The following CACNG4 variants were observed in gnomAD, a reference collection of about 807,000 sequenced individuals.
CACNG4 encodes voltage-dependent calcium channel gamma-4 subunit.
In CACNG4, 8 loss-of-function variants were observed where a neutral mutation model predicts 22.9. The observed-to-expected ratio is 0.35, with a 90% CI of 0.21 to 0.63. The LOEUF (loss-of-function observed/expected upper bound fraction) is 0.63. Ranked by LOEUF, CACNG4 falls within the 30% of genes least tolerant of loss-of-function variation. The pLI is 0.72. For synonymous variants in CACNG4, 188 were observed against 191.9 expected (o/e 0.98, Z 0.17); for missense variants, 357 against 455.4 (o/e 0.78, Z 1.97).
chr17:67,025,423 A>C (rs73339195), intron 3 of CACNG4, among the ~76,000 whole-genome samples: 1,749 of 152,320 alleles, frequency 0.011, 36 homozygotes, highest in African/African-American at 0.04. Flanking sequence ...GGAGGTGCCC[A>C]CGGGAATCAT....
At chr17:67,001,190 C>G (rs2035405993) in intron 1 of CACNG4, among the ~76,000 whole-genome samples, 1 of 152,188 alleles carries the variant, frequency 6.6e-6, no homozygotes, top group South Asian at 2.1e-4. Flanking sequence ...GCTCCTCCTT[C>G]ACCTTCTACC....
intron 1 of CACNG4, among the ~76,000 whole-genome samples, chr17:67,007,593 A>G (rs1167545268): frequency 6.6e-6 from 1 of 151,400 alleles, no homozygotes; most frequent in East Asian, 1.9e-4. Context: ...AGCCTGGGCC[A>G]GGCTTCTCGG....
chr17:66,993,625 A>G (rs530068095), intron 1 of CACNG4, among the ~76,000 whole-genome samples: 61 of 152,184 alleles, frequency 4.0e-4, no homozygotes, highest in South Asian at 3.1e-3. Context: ...CTTTTTTTTG[A>G]GATGGAGTCT....
In CACNG4 at chr17:67,016,196, CA is replaced by C. The variant is rs35792731; in HGVS notation, c.221-1992del. On this transcript the variant is annotated intron_variant, in intron 1 of 3. Coordinates refer to ENST00000262138, the MANE Select transcript of CACNG4 (RefSeq NM_014405.4). ...CGTGGTGTAATTCTCCTAAGATCCC[CA>C]GGATATAAGGGCTGTGGCTCTGCCC... 5.9e-3 allele frequency among the ~76,000 whole-genome samples: 903 copies of C among 152,294 alleles called. 3 individuals are homozygous for C. The highest frequency in any genetic ancestry group is 0.011 in the Non-Finnish European group (717 of 68,032).
At chr17:66,973,507 T>G (rs1412717349) in intron 1 of CACNG4, among the ~76,000 whole-genome samples, 1 of 152,166 alleles carries the variant, frequency 6.6e-6, no homozygotes, top group African/African-American at 2.4e-5. Context: ...AAAGTGGCTG[T>G]GGGGCTGCCT....
At chr17:66,999,807 A>G (rs997956071) in intron 1 of CACNG4, among the ~76,000 whole-genome samples, 1 of 152,230 alleles carries the variant, frequency 6.6e-6, no homozygotes, top group African/African-American at 2.4e-5. Flanking sequence ...GTCAAACCAT[A>G]TCAACTGGCA....
At chr17:67,000,822 C>T (rs994482951) in intron 1 of CACNG4, among the ~76,000 whole-genome samples, 9 of 152,154 alleles carry the variant, frequency 5.9e-5, no homozygotes, top group Middle Eastern at 3.2e-3. Flanking sequence ...AGCAGAAGAC[C>T]TTGAGTAAGA....
intron 1 of CACNG4, among the ~76,000 whole-genome samples, chr17:66,971,906 T>C (rs72846231): frequency 6.6e-6 from 1 of 152,122 alleles, no homozygotes; most frequent in Non-Finnish European, 1.5e-5. Context: ...ATCTGGTTTA[T>C]GTTTTTAGCA....
chr17:67,024,156 C>A (rs900622061), intron 2 of CACNG4, among the ~76,000 whole-genome samples: 34 of 152,144 alleles, frequency 2.2e-4, no homozygotes, highest in African/African-American at 6.5e-4. Context: ...ACCTCCCCTG[C>A]GACTTCAGGC....
intron 1 of CACNG4, among the ~76,000 whole-genome samples, chr17:66,966,444 T>C (rs542093836): frequency 6.6e-6 from 1 of 152,268 alleles, no homozygotes; most frequent in South Asian, 2.1e-4. Flanking sequence ...TAGCCTTCCT[T>C]ACTGCAGTTC....
intron 3 of CACNG4, among the ~76,000 whole-genome samples, chr17:67,026,174 T>G (rs2035564501): frequency 6.8e-6 from 1 of 147,578 alleles, no homozygotes; most frequent in African/African-American, 2.5e-5. Context: ...TGTGTTTGTG[T>G]GTGAGGAGTG....
At chr17:67,028,606 C>T (rs542021228) in intron 3 of CACNG4, among the ~76,000 whole-genome samples, 18 of 152,194 alleles carry the variant, frequency 1.2e-4, no homozygotes, top group South Asian at 2.1e-4. Context: ...ATTGAACTTA[C>T]GTCAGGCGCC....
At chr17:67,023,129 C>T (rs1458378423) in intron 2 of CACNG4, among the ~76,000 whole-genome samples, 1 of 152,116 alleles carries the variant, frequency 6.6e-6, no homozygotes, top group African/African-American at 2.4e-5. Flanking sequence ...TCTCTGCCTC[C>T]GTCTTCACAG....
chr17:66,989,115 C>A (rs1382658637), intron 1 of CACNG4, among the ~76,000 whole-genome samples: 1 of 146,646 alleles, frequency 6.8e-6, no homozygotes, highest in Non-Finnish European at 1.5e-5. Context: ...GAAACAGAAG[C>A]TGCTAAGAGC....
chr17:67,001,408 C>T (rs539891258), intron 1 of CACNG4, among the ~76,000 whole-genome samples: 1 of 152,254 alleles, frequency 6.6e-6, no homozygotes, highest in Non-Finnish European at 1.5e-5. Context: ...GCCCCACCAG[C>T]CTCCTTTTGC....
At position 67,024,868 on chromosome 17, in the gene CACNG4, C is replaced by T. The variant is rs141844181; in HGVS notation, c.313C>T (p.Arg105Ter). 8 of 1,561,174 alleles carry T rather than the reference C, an allele frequency of 5.1e-6. No individual in the cohort carries two copies. Among genetic ancestry groups the T allele is most frequent in the African/African-American group, 1.4e-5 (1 of 72,698 alleles). Residue 105 changes from arginine to a stop codon, truncating the protein, a stop_gained, in exon 3 of 4, where the codon CGA becomes TGA. Coordinates refer to ENST00000262138, the MANE Select transcript of CACNG4 (RefSeq NM_014405.4). LOFTEE classifies it high-confidence loss of function. ...DSSEYLLRIV[R>*]ASSVFPILST... ...CCCACCTCCCCGGCCAGGCATCGTG[C>T]GAGCCTCCAGCGTCTTCCCCATCCT... is the stretch of plus-strand genomic sequence containing the variant.
Position 66,980,518 on chromosome 17 carries a change from A to AT in CACNG4, c.220+15387_220+15388insT, listed in dbSNP as rs1217082787. On this transcript the variant is annotated intron_variant, in intron 1 of 3. Transcript: ENST00000262138. ...TTCCCTAGGAAACTGTCCTGTGGCA[A>AT]GCTTAAGCAGGCTTCATTGCACCAA... Among the ~76,000 whole-genome samples the AT allele has an allele frequency of 3.3e-5, 5 of 152,130 alleles. No homozygotes were observed. In the East Asian group the frequency reaches 9.6e-4, roughly 29 times the overall value.
chr17:66,993,080 C>G (rs1049501583), intron 1 of CACNG4, among the ~76,000 whole-genome samples: 12 of 152,280 alleles, frequency 7.9e-5, no homozygotes, highest in African/African-American at 2.9e-4. Context: ...CTCAGGGTGG[C>G]ACCTGTGGTG....
chr17:66,991,618 A>G (rs1048544904), intron 1 of CACNG4, among the ~76,000 whole-genome samples: 5 of 152,106 alleles, frequency 3.3e-5, no homozygotes, highest in African/African-American at 7.2e-5. Context: ...GCCTGCGAGG[A>G]TGTGTGTCAG....
Sources: gnomAD v4.1 joint callset for allele counts (sites outside exome capture counted in the v4.1 genomes callset) on GRCh38, gnomAD v4.1.1 for gene constraint, MANE v1.5 for transcripts, NCBI Gene and HGNC (gene_info 2026-07-23, HGNC 2026-07-21) for gene names.